The following CFAP92 variants were observed in gnomAD, a reference collection of about 807,000 sequenced individuals.
CFAP92 encodes the protein cilia and flagella associated protein 92 (putative).
A neutral mutation model predicts 106.3 loss-of-function variants in CFAP92; 86 were observed. The ratio of observed to expected loss-of-function variants is 0.81; its 90% CI spans 0.68 to 0.97. CFAP92 has a LOEUF of 0.97. Ranked by LOEUF, CFAP92 falls within the 50% of genes least tolerant of loss-of-function variation. CFAP92 has a pLI of 0.00. For missense variants in CFAP92, 1,204 were observed against 1,283.8 expected (o/e 0.94, Z 0.95); for synonymous variants, 477 against 506.4 (o/e 0.94, Z 0.78).
At position 128,913,596 on chromosome 3, in the gene CFAP92, G is replaced by A. The variant is rs144577263; in HGVS notation, c.3280+1523C>T. Among the ~76,000 whole-genome samples, 514 of 152,226 alleles carry A rather than the reference G, an allele frequency of 3.4e-3. 4 individuals carry two copies. The highest frequency in any genetic ancestry group is 0.012 in the African/African-American group (493 of 41,536). ...TCCCTTGAGCACAGAGAAGGCAGCC[G>A]ACTCTTTTTCCTCCAAGTATATTCC... On this transcript the variant is annotated intron_variant, in intron 15 of 15. Transcript: ENST00000645291.
intron 9 of CFAP92, among the ~76,000 whole-genome samples, chr3:128,953,303 CAGG>C (rs60737243): frequency 0.039 from 5,964 of 152,070 alleles, 291 homozygotes; most frequent in African/African-American, 0.11. Flanking sequence ...ATCACGAGGT[CAGG>C]AGATCGAGAC....
chr3:129,014,080 T>G, the CFAP92 span, among the ~76,000 whole-genome samples: 1 of 152,220 alleles, frequency 6.6e-6, no homozygotes, highest in Non-Finnish European at 1.5e-5. This position sits in a 1 kb window ranked among gnomAD's most constrained non-coding sequence, Gnocchi z 4.3. Flanking sequence ...ATTTTGCCTC[T>G]TCATGATTTT....
At chr3:128,919,943 ATC>A (rs1236571804) in intron 12 of CFAP92, among the ~76,000 whole-genome samples, 2 of 152,200 alleles carry the variant, frequency 1.3e-5, no homozygotes, top group South Asian at 4.1e-4. Context: ...CTGCTTTATC[ATC>A]TCTGGAATAA....
At chr3:129,023,382 G>A in the CFAP92 span, among the ~76,000 whole-genome samples, 421 of 151,104 alleles carry the variant, frequency 2.8e-3, 2 homozygotes, top group African/African-American at 9.4e-3. Context: ...AGGCTAGAGC[G>A]CAGTGGTGCG....
intron 4 of CFAP92, among the ~76,000 whole-genome samples, chr3:128,986,013 G>A (rs1476203569): frequency 6.6e-6 from 1 of 152,134 alleles, no homozygotes; most frequent in Non-Finnish European, 1.5e-5. Context: ...GGCCCAAAAT[G>A]TCAATAGTGC....
chr3:128,939,149 A>AT (rs1939365613), intron 10 of CFAP92, among the ~76,000 whole-genome samples: 2 of 151,572 alleles, frequency 1.3e-5, no homozygotes, highest in Non-Finnish European at 2.9e-5. Context: ...TTATTTATTT[A>AT]TTTTTCTGAG....
upstream of CFAP92, among the ~76,000 whole-genome samples, chr3:129,004,891 T>C (rs1448773548): frequency 6.6e-6 from 1 of 152,034 alleles, no homozygotes. Flanking sequence ...GGCAGACGTG[T>C]GAGTGTGGGC....
At chr3:128,933,093 C>T (rs1938579293) in intron 11 of CFAP92, 96 bp from the exon 12 acceptor site, 1 of 1,154,560 alleles carries the variant, frequency 8.7e-7, no homozygotes, top group Non-Finnish European at 1.2e-6. Context: ...CACTCAGAGG[C>T]TGCTTAGCTG....
chr3:128,917,094 T>A (rs1008747034), intron 12 of CFAP92, among the ~76,000 whole-genome samples: 2 of 152,160 alleles, frequency 1.3e-5, no homozygotes, highest in African/African-American at 4.8e-5. Context: ...GAACAGACTG[T>A]CCAGGCAACA....
chr3:128,927,163 G>A (rs1233983882), intron 12 of CFAP92, among the ~76,000 whole-genome samples: 2 of 152,032 alleles, frequency 1.3e-5, no homozygotes, highest in East Asian at 1.9e-4. Flanking sequence ...ATATGAGTAC[G>A]CAGCAAGATG....
At chr3:129,004,379 CCACCCATCCATCCACT>C (rs1262797105), upstream of CFAP92, among the ~76,000 whole-genome samples, 26 of 138,470 alleles carry the variant, frequency 1.9e-4, no homozygotes, top group Non-Finnish European at 3.2e-4. Flanking sequence ...CCCCCCCCAC[CCACCCATCCATCCACT>C]CACCCATCCA....
At chr3:128,970,238 T>A (rs1328450985) in intron 8 of CFAP92, 3 of 149,380 alleles carry the variant, frequency 2.0e-5, no homozygotes, top group Non-Finnish European at 4.4e-5. Context: ...CAAGACCCTA[T>A]CTCAAAAAAA....
In CFAP92 at chr3:128,910,085, T is replaced by C; in HGVS notation, c.*214A>G. Reference sequence around the variant, plus strand: ...AACATCCTCATCAACCTGTATGGCATGACGGCCGTGCTGTCGCGGGCCAGC... The same window carrying C: ...AACATCCTCATCAACCTGTATGGCACGACGGCCGTGCTGTCGCGGGCCAGC... On this transcript the variant is annotated 3_prime_UTR_variant, in exon 16 of 16. Coordinates refer to ENST00000645291, the MANE Select transcript of CFAP92 (RefSeq NM_001394090.1). The C allele has an allele frequency of 6.2e-7, 1 of 1,614,016 alleles. No individual in the cohort carries two copies. The highest frequency in any genetic ancestry group is 8.5e-7 in the Non-Finnish European group (1 of 1,180,016).
At chr3:128,943,428 C>T (rs898154568) in intron 10 of CFAP92, among the ~76,000 whole-genome samples, 36 of 152,134 alleles carry the variant, frequency 2.4e-4, no homozygotes, top group Non-Finnish European at 3.5e-4. Context: ...TTTGCCGGTT[C>T]GGGACATTTC....
At chr3:128,971,154 T>C in intron 8 of CFAP92, 133 bp downstream of exon 8, 1 of 1,438,322 alleles carries the variant, frequency 7.0e-7, no homozygotes, top group Non-Finnish European at 9.5e-7. Context: ...CCAATTCCCC[T>C]GAGTTTCCTG....
upstream of CFAP92, among the ~76,000 whole-genome samples, chr3:129,007,481 G>C (rs1289900980): frequency 1.3e-5 from 2 of 152,176 alleles, no homozygotes; most frequent in African/African-American, 4.8e-5. Flanking sequence ...AACTCCCCCT[G>C]AGAATGACAG....
At chr3:128,951,384 C>T (rs1940787337) in intron 9 of CFAP92, among the ~76,000 whole-genome samples, 2 of 152,082 alleles carry the variant, frequency 1.3e-5, no homozygotes, top group African/African-American at 4.8e-5. Flanking sequence ...GTTGAAATGG[C>T]CCACTGAATC....
At position 128,915,200 on chromosome 3, in the gene CFAP92, G is replaced by T. The variant is rs1936707065; in HGVS notation, c.3199C>A (p.His1067Asn). ...LDRDRWSWDR[H>N]HVDFDLYKKP... ...TTGTACAGATCAAAGTCCACGTGGT[G>T]CCTGTCCCAGCTCCACCTGTCTCGA... The change falls in exon 15 of 16, where the codon CAC becomes AAC. Residue 1067 changes from histidine (H) to asparagine (N), a missense_variant. By Grantham distance (68) the His-to-Asn change is moderately conservative (BLOSUM62 1). Coordinates refer to ENST00000645291, the MANE Select transcript of CFAP92 (RefSeq NM_001394090.1). The T allele has an allele frequency of 2.0e-6, 3 of 1,535,998 alleles. No individual in the cohort carries two copies. The African/African-American group carries it at 4.1e-5, about 21-fold the overall frequency.
the CFAP92 span, among the ~76,000 whole-genome samples, chr3:129,010,554 C>T: frequency 6.6e-6 from 1 of 152,064 alleles, no homozygotes; most frequent in Non-Finnish European, 1.5e-5. The surrounding 1 kb of genome is among the most constrained non-coding windows in gnomAD (Gnocchi z 4.3). Flanking sequence ...TGGCTGGCCA[C>T]CGTGGAGGGG....
Sources: allele counts gnomAD v4.1 joint callset (sites outside exome capture counted in the v4.1 genomes callset), GRCh38; gene constraint gnomAD v4.1.1; non-coding constraint Gnocchi (gnomAD v3.1); transcripts MANE v1.5; gene names NCBI Gene and HGNC (gene_info 2026-07-23, HGNC 2026-07-21).